The following ERI3 variants were observed in gnomAD, a reference collection of about 807,000 sequenced individuals.
ERI3 encodes ERI1 exoribonuclease 3.
Under a neutral mutation model 44.4 loss-of-function variants are expected in ERI3, and 18 were observed. The observed-to-expected ratio is 0.41, with a 90% CI of 0.28 to 0.60. ERI3 has a LOEUF of 0.60. Ranked by LOEUF, ERI3 falls within the 20% of genes least tolerant of loss-of-function variation. The pLI is 0.36. For missense variants in ERI3, 294 were observed against 435.5 expected (o/e 0.68, Z 2.89); for synonymous variants, 183 against 164.8 (o/e 1.11, Z -0.84).
At chr1:44,316,069 T>C (rs1646081983) in intron 4 of ERI3, among the ~76,000 whole-genome samples, 1 of 151,966 alleles carries the variant, frequency 6.6e-6, no homozygotes, top group Non-Finnish European at 1.5e-5. Context: ...TACAGGATGC[T>C]ATGAGGGAAC....
chr1:44,246,838 A>T (rs1644564281), intron 8 of ERI3, among the ~76,000 whole-genome samples: 1 of 152,146 alleles, frequency 6.6e-6, no homozygotes, highest in African/African-American at 2.4e-5. Flanking sequence ...TGGATAAAGG[A>T]TCTACTCTGA....
Position 44,354,590 on chromosome 1 carries a change from G to A in ERI3, c.135+302C>T, listed in dbSNP as rs925909953. Reference sequence around the variant, plus strand: ...ACCTGGTGTGTGGGCATGTGTTGGCGAGAGGGTCAAGGGAATGTTCTACCC... The same window carrying A: ...ACCTGGTGTGTGGGCATGTGTTGGCAAGAGGGTCAAGGGAATGTTCTACCC... On this transcript the variant is annotated intron_variant, in intron 1 of 8. Transcript: ENST00000372257. 5.0e-5 allele frequency: 49 copies of A among 985,196 alleles called. 1 individual carries two copies. Among genetic ancestry groups the A allele is most frequent in the Non-Finnish European group, 5.5e-5 (46 of 829,918 alleles). 61.0% of individuals were successfully genotyped at this position (985,196 alleles called of 1,614,324 possible).
Position 44,336,593 on chromosome 1 carries a change from A to G in ERI3, c.489+2452T>C, listed in dbSNP as rs139450890. 3.3e-3 allele frequency among the ~76,000 whole-genome samples: 510 copies of G among 152,358 alleles called. 6 individuals carry two copies. Among genetic ancestry groups the G allele is most frequent in the Admixed American group, 6.7e-3 (102 of 15,308 alleles). Reference sequence around the variant, plus strand: ...AGGATTTGCTCTTCTTCACAAACCCATGTAAGTTATTACTCAGTGCCCCAC... The same window carrying G: ...AGGATTTGCTCTTCTTCACAAACCCGTGTAAGTTATTACTCAGTGCCCCAC... On this transcript the variant is annotated intron_variant, in intron 3 of 8. Transcript: ENST00000372257.
chr1:44,282,349 G>T (rs572597510), intron 7 of ERI3, among the ~76,000 whole-genome samples: 3 of 152,264 alleles, frequency 2.0e-5, no homozygotes, highest in Admixed American at 1.3e-4. Flanking sequence ...AGAGGAGGAA[G>T]AGAGAAGAAA....
chr1:44,353,446 T>C (rs189024600), intron 1 of ERI3: 433 of 985,460 alleles, frequency 4.4e-4, no homozygotes, highest in Non-Finnish European at 5.1e-4. Flanking sequence ...ATACCTATCA[T>C]CCTTTTCAAC....
chr1:44,251,902 T>C lies in ERI3; in HGVS notation c.832-3864A>G, dbSNP rs964466091. Among the ~76,000 whole-genome samples, 55 of 152,164 alleles carry C rather than the reference T, an allele frequency of 3.6e-4. 1 individual carries two copies. On this transcript the variant is annotated intron_variant, in intron 7 of 8. Coordinates refer to ENST00000372257, the MANE Select transcript of ERI3 (RefSeq NM_024066.3). ...CTGCCAGCTTGGGGGAATGGGGATA[T>C]GGGGCCCAGAAGCTTTCTGATCTTG... is the stretch of plus-strand genomic sequence containing the variant.
intron 5 of ERI3, among the ~76,000 whole-genome samples, chr1:44,311,149 T>C (rs1359473514): frequency 6.6e-6 from 1 of 150,870 alleles, no homozygotes; most frequent in Non-Finnish European, 1.5e-5. Context: ...CCCCACATAC[T>C]AGAGGGGCTC....
chr1:44,321,517 C>T (rs1478902487), intron 3 of ERI3, among the ~76,000 whole-genome samples: 1 of 152,138 alleles, frequency 6.6e-6, no homozygotes, highest in Admixed American at 6.5e-5. Context: ...AACTGAATAA[C>T]AAAATCGAAC....
At chr1:44,292,252 T>C (rs567143377) in intron 6 of ERI3, among the ~76,000 whole-genome samples, 1 of 151,034 alleles carries the variant, frequency 6.6e-6, no homozygotes, top group Admixed American at 6.6e-5. Flanking sequence ...GCAAAACAAA[T>C]TCCAAGAAGC....
intron 8 of ERI3, among the ~76,000 whole-genome samples, chr1:44,243,124 C>G (rs541999715): frequency 6.4e-4 from 97 of 152,370 alleles, no homozygotes; most frequent in Non-Finnish European, 1.2e-3. Flanking sequence ...CCACTGCCCC[C>G]CTGGGGCCCA....
In ERI3 at chr1:44,228,737, C is replaced by G. The variant is rs961216572; in HGVS notation, c.932-7097G>C. ...GGGAGGGCACAGTGCCTGGAAACCC[C>G]TTTGCCAGCATCCCAGAACTGCCTG... On this transcript the variant is annotated intron_variant, in intron 8 of 8. Coordinates refer to ENST00000372257, the MANE Select transcript of ERI3 (RefSeq NM_024066.3). The surrounding 1 kb of genome is among the most constrained non-coding windows in gnomAD (Gnocchi z 4.3). Among the ~76,000 whole-genome samples, 2 of 152,202 alleles carry G rather than the reference C, an allele frequency of 1.3e-5. No individual in the cohort carries two copies. The highest frequency in any genetic ancestry group is 2.9e-5 in the Non-Finnish European group (2 of 68,042).
At chr1:44,238,336 G>C (rs1286078524) in intron 8 of ERI3, among the ~76,000 whole-genome samples, 2 of 152,142 alleles carry the variant, frequency 1.3e-5, no homozygotes, top group Admixed American at 1.3e-4. Context: ...CCCTGCGGCA[G>C]CTCCGGTTTA....
chr1:44,310,956 C>CGCGT (rs1294295752), intron 5 of ERI3, among the ~76,000 whole-genome samples: 2 of 74,028 alleles, frequency 2.7e-5, no homozygotes, highest in Non-Finnish European at 5.3e-5. Context: ...GCACATCGCG[C>CGCGT]GCGCGCGCAC....
intron 3 of ERI3, among the ~76,000 whole-genome samples, chr1:44,322,526 A>G (rs574073265): frequency 8.6e-4 from 131 of 152,324 alleles, no homozygotes; most frequent in African/African-American, 3.1e-3. Flanking sequence ...CCCAAGACCA[A>G]GAAGAGGTGG....
chr1:44,344,395 G>GTT (rs1308562097), intron 2 of ERI3, among the ~76,000 whole-genome samples: 1 of 152,138 alleles, frequency 6.6e-6, no homozygotes, highest in East Asian at 1.9e-4. Context: ...TAGGCTGCAT[G>GTT]TTCTCTCTGG....
At position 44,326,466 on chromosome 1, in the gene ERI3, T is replaced by C. The variant is rs568180955; in HGVS notation, c.490-6722A>G. Among the ~76,000 whole-genome samples the C allele has an allele frequency of 4.6e-5, 7 of 152,348 alleles. No homozygotes were observed. The South Asian group carries it at 1.4e-3, about 32-fold the overall frequency. ...AGCTTATTTCTTAAACAAACACTCG[T>C]GGTTTTGATTTACACCACAGTCTGC... On this transcript the variant is annotated intron_variant, in intron 3 of 8. Coordinates refer to ENST00000372257, the MANE Select transcript of ERI3 (RefSeq NM_024066.3).
chr1:44,305,714 C>T (rs967489377), intron 6 of ERI3, among the ~76,000 whole-genome samples: 2 of 152,156 alleles, frequency 1.3e-5, no homozygotes, highest in Non-Finnish European at 1.5e-5. Flanking sequence ...CACTTATCAG[C>T]CCCTTTCCAA....
At chr1:44,262,680 G>A (rs148312991) in intron 7 of ERI3, among the ~76,000 whole-genome samples, 18 of 152,342 alleles carry the variant, frequency 1.2e-4, no homozygotes, top group African/African-American at 4.3e-4. Flanking sequence ...CTAGCGGGAG[G>A]AGCCTTCTAG....
At chr1:44,226,774 ATT>A (rs1644049957) in intron 8 of ERI3, among the ~76,000 whole-genome samples, 2 of 90,152 alleles carry the variant, frequency 2.2e-5, no homozygotes, top group East Asian at 2.7e-4. Flanking sequence ...TCTCAGCATT[ATT>A]AAACACACAC....
Sources: gnomAD v4.1 joint callset for allele counts (sites outside exome capture counted in the v4.1 genomes callset) on GRCh38, gnomAD v4.1.1 for gene constraint, Gnocchi (gnomAD v3.1) non-coding constraint, MANE v1.5 for transcripts, NCBI Gene and HGNC (gene_info 2026-07-23, HGNC 2026-07-21) for gene names.